SLC49A4: variants seen among roughly 807,000 people sequenced by gnomAD.
SLC49A4 encodes disrupted in renal cancer protein 2.
SLC49A4 carries 36 observed loss-of-function variants against 50.6 expected under a neutral mutation model. That is an observed-to-expected ratio of 0.71 (90% CI 0.55 to 0.94). The LOEUF (loss-of-function observed/expected upper bound fraction) is 0.94. Among genes scored for constraint, SLC49A4 ranks in the 40% least tolerant of loss-of-function variants. SLC49A4 has a pLI of 0.00. For synonymous variants in SLC49A4, 248 were observed against 241.2 expected (o/e 1.03, Z -0.26); for missense variants, 503 against 605.7 (o/e 0.83, Z 1.78).
chr3:122,833,503 G>T, intron 4 of SLC49A4, 57 bp downstream of exon 4: 1 of 1,471,754 alleles, frequency 6.8e-7, no homozygotes, highest in South Asian at 1.4e-5. Context: ...GGTAACTTCA[G>T]ATTTTTAAAA....
chr3:122,815,622 C>T (rs1211557398), intron 2 of SLC49A4, among the ~76,000 whole-genome samples: 1 of 152,246 alleles, frequency 6.6e-6, no homozygotes, highest in African/African-American at 2.4e-5. Context: ...AGAACATACT[C>T]ATCCTTCCTC....
At chr3:122,831,564 T>G (rs558695818) in intron 3 of SLC49A4, among the ~76,000 whole-genome samples, 10 of 152,264 alleles carry the variant, frequency 6.6e-5, no homozygotes, top group African/African-American at 2.4e-4. Context: ...TCCATAATAC[T>G]CAAATCTATA....
At chr3:122,850,338 T>C (rs1011040320) in intron 5 of SLC49A4, among the ~76,000 whole-genome samples, 1 of 152,168 alleles carries the variant, frequency 6.6e-6, no homozygotes, top group African/African-American at 2.4e-5. Context: ...AGTAGAACGA[T>C]GTCTTTTGTC....
chr3:122,834,039 GA>G (rs1388190260), intron 4 of SLC49A4, among the ~76,000 whole-genome samples: 2 of 152,130 alleles, frequency 1.3e-5, no homozygotes, highest in African/African-American at 2.4e-5. Context: ...GCCCAGTACT[GA>G]ATTTAATTCT....
intron 2 of SLC49A4, among the ~76,000 whole-genome samples, chr3:122,817,683 C>A (rs1459204543): frequency 6.6e-6 from 1 of 151,028 alleles, no homozygotes; most frequent in Non-Finnish European, 1.5e-5. Flanking sequence ...TGGGCTCAAG[C>A]AATCCTCCTA....
rs1487545014 is a variant in SLC49A4 at position 122,795,149 on chromosome 3, A to ACG, written c.-43_-42insGC. On this transcript the variant is annotated 5_prime_UTR_variant, in exon 1 of 9. Transcript: ENST00000261038. The stretch of plus-strand genomic sequence containing the variant: ...TTCTGCGCTGGGCTAGTCGGCGGTG[A>ACG]CCCGGACTGCGCCCGGCAGTGGCTT... 9.2e-6 allele frequency: 12 copies of ACG among 1,305,208 alleles called. No homozygotes were observed. Among genetic ancestry groups the ACG allele is most frequent in the Non-Finnish European group, 1.2e-5 (12 of 1,035,742 alleles). The allele number at this position is 1,305,208 out of a possible 1,614,324, so 80.9% of individuals were successfully genotyped here. A position where few individuals can be genotyped will look rare whatever the true frequency, so the allele number is the denominator to read the frequency against.
At chr3:122,858,308 T>A (rs1937014425) in intron 6 of SLC49A4, among the ~76,000 whole-genome samples, 1 of 152,246 alleles carries the variant, frequency 6.6e-6, no homozygotes, top group Non-Finnish European at 1.5e-5. Flanking sequence ...CTCTGATTTG[T>A]ACTAAAAGCC....
intron 1 of SLC49A4, among the ~76,000 whole-genome samples, chr3:122,796,751 G>A (rs990871455): frequency 6.6e-6 from 1 of 152,158 alleles, no homozygotes; most frequent in Non-Finnish European, 1.5e-5. Flanking sequence ...GCCTGGCGCA[G>A]TGGCTCAAGT....
intron 5 of SLC49A4, among the ~76,000 whole-genome samples, chr3:122,853,211 C>A (rs896110925): frequency 2.0e-5 from 3 of 152,148 alleles, no homozygotes; most frequent in African/African-American, 7.2e-5. Flanking sequence ...AGGGGCAAGG[C>A]AGCTCCCTTC....
chr3:122,823,324 C>T (rs1416885947), intron 2 of SLC49A4, among the ~76,000 whole-genome samples: 1 of 152,206 alleles, frequency 6.6e-6, no homozygotes, highest in African/African-American at 2.4e-5. Flanking sequence ...GCTCCACATG[C>T]ATATATGCAA....
intron 5 of SLC49A4, among the ~76,000 whole-genome samples, chr3:122,848,161 C>G (rs1936882053): frequency 1.3e-5 from 2 of 152,092 alleles, no homozygotes; most frequent in Admixed American, 1.3e-4. Context: ...GAATTTAAAC[C>G]TAGAATTGAT....
At position 122,880,113 on chromosome 3, in the gene SLC49A4, G is replaced by T. The variant is rs1487771273; in HGVS notation, c.*735G>T. Reference sequence around the variant, plus strand: ...GTTTAATATGATTACATTAAATATTGTATGAAAAAATGTAATTCCATTAGG... The same window carrying T: ...GTTTAATATGATTACATTAAATATTTTATGAAAAAATGTAATTCCATTAGG... On this transcript the variant is annotated 3_prime_UTR_variant, in exon 9 of 9. Coordinates refer to ENST00000261038, the MANE Select transcript of SLC49A4 (RefSeq NM_032839.3). The T allele has an allele frequency of 6.6e-6, 1 of 152,182 alleles. No homozygotes were observed. Among genetic ancestry groups the T allele is most frequent in the Non-Finnish European group, 1.5e-5 (1 of 68,026 alleles). The allele number at this position is 152,182 out of a possible 1,614,324, so 9.4% of individuals were successfully genotyped here.
intron 1 of SLC49A4, among the ~76,000 whole-genome samples, chr3:122,801,686 A>G (rs1462792915): frequency 6.6e-6 from 1 of 152,212 alleles, no homozygotes; most frequent in Admixed American, 6.5e-5. Context: ...AGAGGTAGGG[A>G]AAAGAGCGTA....
At chr3:122,875,840 C>A (rs1041671020) in intron 8 of SLC49A4, among the ~76,000 whole-genome samples, 4 of 152,140 alleles carry the variant, frequency 2.6e-5, no homozygotes, top group Non-Finnish European at 5.9e-5. Context: ...TCTTGCCTAG[C>A]AAGCTAGGTT....
In SLC49A4 at chr3:122,824,881, C is replaced by T. The variant is rs575228068; in HGVS notation, c.438-1919C>T. Among the ~76,000 whole-genome samples the T allele has an allele frequency of 2.6e-5, 4 of 151,752 alleles. No homozygotes were observed. The South Asian group carries it at 6.2e-4, about 24-fold the overall frequency. On this transcript the variant is annotated intron_variant, in intron 2 of 8. Coordinates refer to ENST00000261038, the MANE Select transcript of SLC49A4 (RefSeq NM_032839.3). ...CTGAGTAGCTGGGATTACAGGCATG[C>T]GTCACCATGCCCAGCTAATTTTTGT...
intron 7 of SLC49A4, among the ~76,000 whole-genome samples, chr3:122,870,233 G>A (rs1937179853): frequency 6.6e-6 from 1 of 151,940 alleles, no homozygotes; most frequent in Admixed American, 6.5e-5. Flanking sequence ...GTCCTTAAGA[G>A]CTTGATTTCT....
intron 2 of SLC49A4, among the ~76,000 whole-genome samples, chr3:122,823,905 A>G (rs1181404835): frequency 6.6e-6 from 1 of 152,240 alleles, no homozygotes; most frequent in Non-Finnish European, 1.5e-5. Flanking sequence ...AGATTACTGT[A>G]ACATCACAGT....
In SLC49A4 at chr3:122,850,964, C is replaced by A. The variant is rs556394925; in HGVS notation, c.942+5093C>A. Among the ~76,000 whole-genome samples the A allele has an allele frequency of 1.9e-4, 29 of 152,238 alleles. No homozygotes were observed. In the South Asian group the frequency reaches 5.8e-3, roughly 30 times the overall value. On this transcript the variant is annotated intron_variant, in intron 5 of 8. Coordinates refer to ENST00000261038, the MANE Select transcript of SLC49A4 (RefSeq NM_032839.3). ...ATTTTTTATTACTTTAATTTCCCCCCACTCTATTAGCTTGGCAGTTATAGA... is the reference window on the plus strand; with the variant it reads ...ATTTTTTATTACTTTAATTTCCCCCAACTCTATTAGCTTGGCAGTTATAGA...
chr3:122,819,310 G>C (rs143211999), intron 2 of SLC49A4, among the ~76,000 whole-genome samples: 2 of 151,218 alleles, frequency 1.3e-5, no homozygotes, highest in African/African-American at 4.8e-5. Flanking sequence ...AACAGAAAGA[G>C]AATGTGATTT....
Sources: allele counts gnomAD v4.1 joint callset (sites outside exome capture counted in the v4.1 genomes callset), GRCh38; gene constraint gnomAD v4.1.1; transcripts MANE v1.5; gene names NCBI Gene and HGNC (gene_info 2026-07-23, HGNC 2026-07-21).